FBN2: variants seen among roughly 807,000 people sequenced by gnomAD.
FBN2 encodes fibrillin-2.
FBN2 carries 105 observed loss-of-function variants against 355.6 expected under a neutral mutation model. That is an observed-to-expected ratio of 0.30 (90% CI 0.25 to 0.35). FBN2 has a LOEUF of 0.35. Among genes scored for constraint, FBN2 ranks in the 10% least tolerant of loss-of-function variants. The pLI is 1.00. For synonymous variants in FBN2, 1,350 were observed against 1,301.2 expected, an observed-to-expected ratio of 1.04 and a Z score of -0.81; for missense variants, 3,280 against 3,758.7, an observed-to-expected ratio of 0.87 and a Z score of 3.33.
At chr5:128,401,759 G>GA (rs1228436436) in intron 8 of FBN2, among the ~76,000 whole-genome samples, 2 of 152,064 alleles carry the variant, frequency 1.3e-5, no homozygotes, top group Non-Finnish European at 2.9e-5. Flanking sequence ...CCAGCCTGGT[G>GA]ACAAAGCAAG....
chr5:128,488,932 G>T (rs1482786038), intron 5 of FBN2, among the ~76,000 whole-genome samples: 1 of 152,024 alleles, frequency 6.6e-6, no homozygotes, highest in African/African-American at 2.4e-5. Context: ...CCAAGTCTTT[G>T]CTATTGTGAA....
intron 6 of FBN2, among the ~76,000 whole-genome samples, chr5:128,448,873 A>G (rs1184393251): frequency 6.6e-6 from 1 of 152,158 alleles, no homozygotes; most frequent in Non-Finnish European, 1.5e-5. Context: ...TTTCAGTTTT[A>G]GACATTGAAA....
Position 128,369,226 on chromosome 5 carries a change from T to C in FBN2, c.2204A>G (p.Tyr735Cys), listed in dbSNP as rs1199450063. The C allele has an allele frequency of 1.2e-6, 2 of 1,614,124 alleles. No individual in the cohort carries two copies. The highest frequency in any genetic ancestry group is 1.7e-6 in the Non-Finnish European group (2 of 1,180,024). Residue 735 changes from tyrosine (Y) to cysteine (C), a missense_variant, in exon 16 of 65, where the codon TAT becomes TGT. Physicochemically the swap from Tyr to Cys is radical, Grantham distance 194. Around this residue, in one of 6 missense-constraint regions of FBN2, gnomAD observed 2,284 missense variants for 2,749.5 expected, o/e 0.83. Coordinates refer to ENST00000262464, the MANE Select transcript of FBN2 (RefSeq NM_001999.4). ...KSECCCANPD[Y>C]GFGEPCQPCP... Reference sequence around the variant, plus strand: ...TGGCTGGCAGGGTTCTCCAAAACCATAGTCTGGATTGGCACAGCAGCATTC... The same window carrying C: ...TGGCTGGCAGGGTTCTCCAAAACCACAGTCTGGATTGGCACAGCAGCATTC...
Position 128,343,354 on chromosome 5 carries a change from G to A in FBN2, c.3343+1031C>T, listed in dbSNP as rs562493816. Among the ~76,000 whole-genome samples, 7 of 152,294 alleles carry A rather than the reference G, an allele frequency of 4.6e-5. No homozygotes were observed. In the East Asian group the frequency reaches 9.6e-4, roughly 21 times the overall value. On this transcript the variant is annotated intron_variant, in intron 25 of 64. Coordinates refer to ENST00000262464, the MANE Select transcript of FBN2 (RefSeq NM_001999.4). ...GATGAAGCTCTGGAGACTGGCACAG[G>A]GCTTGAGCAGACTTCAAGGCAGCAG...
In FBN2 at chr5:128,379,451, G is replaced by T. The variant is rs188886333; in HGVS notation, c.1604-561C>A. The stretch of plus-strand genomic sequence containing the variant: ...TATTTTGAAGTAAAAAAACATGAGG[G>T]AGTAGAAAATGAAAACATTTAAACA... On this transcript the variant is annotated intron_variant, in intron 11 of 64. Coordinates refer to ENST00000262464, the MANE Select transcript of FBN2 (RefSeq NM_001999.4). Among the ~76,000 whole-genome samples the T allele has an allele frequency of 3.0e-4, 46 of 152,058 alleles. No individual in the cohort carries two copies. In the East Asian group the frequency reaches 7.7e-3, roughly 26 times the overall value.
At chr5:128,381,972 C>T (rs1055000253) in intron 11 of FBN2, among the ~76,000 whole-genome samples, 2 of 152,030 alleles carry the variant, frequency 1.3e-5, no homozygotes, top group Admixed American at 1.3e-4. Flanking sequence ...CTTTTATAAT[C>T]ATAGTGGACC....
At chr5:128,447,711 C>G (rs1367610359) in intron 6 of FBN2, among the ~76,000 whole-genome samples, 1 of 152,172 alleles carries the variant, frequency 6.6e-6, no homozygotes. Flanking sequence ...ACACTCTCTC[C>G]CCTTTGAAAA....
chr5:128,378,928 C>G, intron 11 of FBN2, 38 bp from the exon 12 acceptor site: 1 of 1,611,396 alleles, frequency 6.2e-7, no homozygotes, highest in African/African-American at 1.3e-5. Context: ...GACTTCACTC[C>G]ATTTGTAGAA....
At chr5:128,337,169 TAAA>T (rs1181429796) in intron 27 of FBN2, among the ~76,000 whole-genome samples, 2 of 152,166 alleles carry the variant, frequency 1.3e-5, no homozygotes, top group African/African-American at 4.8e-5. Flanking sequence ...AATAAGAACA[TAAA>T]AACCTTTTCA....
At chr5:128,481,177 AG>A (rs909402014) in intron 5 of FBN2, among the ~76,000 whole-genome samples, 118 of 105,384 alleles carry the variant, frequency 1.1e-3, no homozygotes, top group African/African-American at 7.8e-3. Flanking sequence ...ATTTTTACTC[AG>A]GGAAAAAAAA....
At chr5:128,508,317 A>C (rs1180505255) in intron 5 of FBN2, among the ~76,000 whole-genome samples, 1 of 151,862 alleles carries the variant, frequency 6.6e-6, no homozygotes, top group Non-Finnish European at 1.5e-5. Context: ...TTGTTTTCTA[A>C]CTATCCATTA....
intron 19 of FBN2, among the ~76,000 whole-genome samples, chr5:128,358,591 CT>C (rs1488138804): frequency 6.6e-6 from 1 of 151,974 alleles, no homozygotes; most frequent in Non-Finnish European, 1.5e-5. Flanking sequence ...ATGTATTTTG[CT>C]TTTCAGATTG....
chr5:128,486,180 T>A (rs1044086501), intron 5 of FBN2, among the ~76,000 whole-genome samples: 1 of 152,156 alleles, frequency 6.6e-6, no homozygotes, highest in African/African-American at 2.4e-5. Flanking sequence ...CTTAGTACTA[T>A]CATAAACCCG....
chr5:128,336,227 A>C (rs1009814057), intron 27 of FBN2, 114 bp from the exon 28 acceptor site: 37 of 1,013,276 alleles, frequency 3.7e-5, no homozygotes, highest in African/African-American at 3.2e-5. Context: ...TTCACGAGGA[A>C]GTAAAATGTT....
At chr5:128,269,654 G>C (rs190922455) in intron 62 of FBN2, among the ~76,000 whole-genome samples, 66 of 152,118 alleles carry the variant, frequency 4.3e-4, no homozygotes, top group Non-Finnish European at 7.4e-4. Flanking sequence ...AATAAAATAC[G>C]TAAGAATACA....
intron 20 of FBN2, among the ~76,000 whole-genome samples, chr5:128,355,080 A>G (rs1751465855): frequency 6.6e-6 from 1 of 152,204 alleles, no homozygotes; most frequent in Non-Finnish European, 1.5e-5. Context: ...GAAAGAGAAA[A>G]TGTGCCATAA....
At chr5:128,280,568 T>C (rs1765510181) in intron 55 of FBN2, among the ~76,000 whole-genome samples, 3 of 152,188 alleles carry the variant, frequency 2.0e-5, no homozygotes, top group Admixed American at 2.0e-4. Flanking sequence ...ATAGTGTTAA[T>C]ATATAGAATT....
rs549367881 is a variant in FBN2, at chr5:128,537,657, A to G, written c.-54T>C. The G allele has an allele frequency of 4.4e-5, 69 of 1,555,530 alleles. 1 individual carries two copies. The African/African-American group carries it at 8.9e-4, about 20-fold the overall frequency. On this transcript the variant is annotated 5_prime_UTR_variant, in exon 1 of 65. Coordinates refer to ENST00000262464, the MANE Select transcript of FBN2 (RefSeq NM_001999.4). ...ACCCGCGGAGAGGGAGTGATCAAAG[A>G]CAAAATCTGCGCGCCTCAGAAAAGA...
At chr5:128,336,468 G>C (rs1750847000) in intron 27 of FBN2, among the ~76,000 whole-genome samples, 2 of 152,148 alleles carry the variant, frequency 1.3e-5, no homozygotes, top group Non-Finnish European at 2.9e-5. Flanking sequence ...TATCATGTTA[G>C]ACCACACAGA....
Sources: gnomAD v4.1 joint callset for allele counts (sites outside exome capture counted in the v4.1 genomes callset) on GRCh38, gnomAD v4.1.1 for gene constraint, gnomAD v4.1.1 regional missense constraint, MANE v1.5 for transcripts, NCBI Gene and HGNC (gene_info 2026-07-23, HGNC 2026-07-21) for gene names.